The following L3MBTL4 variants were observed in gnomAD, a reference collection of about 807,000 sequenced individuals.
The protein encoded by L3MBTL4 is L3MBTL histone methyl-lysine binding protein 4, also known as lethal(3)malignant brain tumor-like protein 4.
Under a neutral mutation model 84.5 loss-of-function variants are expected in L3MBTL4, and 70 were observed. That is an observed-to-expected ratio of 0.83 (90% CI 0.68 to 1.01). The LOEUF is 1.01. Among genes scored for constraint, L3MBTL4 ranks in the 50% least tolerant of loss-of-function variants. The probability of loss-of-function intolerance (pLI) is 0.00; values close to 1 mark genes in which losing one functional copy is unlikely to be tolerated. For synonymous variants in L3MBTL4, 274 were observed against 259.8 expected (o/e 1.05, Z -0.52); for missense variants, 715 against 754.8 (o/e 0.95, Z 0.62).
intron 4 of L3MBTL4, among the ~76,000 whole-genome samples, chr18:6,277,274 A>C (rs974317544): frequency 8.5e-5 from 13 of 152,062 alleles, no homozygotes; most frequent in Non-Finnish European, 1.5e-4. Context: ...GTACCCTAAA[A>C]CTTAAAGTAT....
chr18:6,198,151 A>T (rs993316595), intron 12 of L3MBTL4, among the ~76,000 whole-genome samples: 11 of 152,314 alleles, frequency 7.2e-5, no homozygotes, highest in African/African-American at 2.4e-4. Context: ...TGTGGCCAAC[A>T]TATCTTCACA....
chr18:6,366,008 C>T (rs1476522566), intron 1 of L3MBTL4, among the ~76,000 whole-genome samples: 1 of 152,154 alleles, frequency 6.6e-6, no homozygotes, highest in Admixed American at 6.6e-5. Flanking sequence ...CTGTTAGGAG[C>T]ACAGATGGGA....
intron 16 of L3MBTL4, chr18:6,032,321 C>CA (rs1323391807): frequency 1.1e-4 from 103 of 980,666 alleles, no homozygotes; most frequent in East Asian, 1.2e-4. Context: ...AAGTTACGTG[C>CA]AAAAAAGCTT....
chr18:6,092,911 T>G (rs1480158480), intron 15 of L3MBTL4, among the ~76,000 whole-genome samples: 5 of 152,154 alleles, frequency 3.3e-5, no homozygotes, highest in African/African-American at 4.8e-5. Flanking sequence ...AGAAATTATA[T>G]CTGAGGTACA....
intron 1 of L3MBTL4, among the ~76,000 whole-genome samples, chr18:6,358,518 A>G (rs1325975989): frequency 2.6e-5 from 4 of 152,216 alleles, no homozygotes; most frequent in Non-Finnish European, 5.9e-5. Flanking sequence ...TTTAGAACAG[A>G]GCATTAAAGG....
chr18:6,152,970 G>C (rs181249951), intron 13 of L3MBTL4, among the ~76,000 whole-genome samples: 1 of 152,250 alleles, frequency 6.6e-6, no homozygotes, highest in Non-Finnish European at 1.5e-5. Context: ...AGTTTTCCCA[G>C]AACCACTTAT....
chr18:6,005,929 G>T (rs1049219874), intron 16 of L3MBTL4, among the ~76,000 whole-genome samples: 1 of 151,986 alleles, frequency 6.6e-6, no homozygotes, highest in Non-Finnish European at 1.5e-5. Context: ...TTTCCACAAT[G>T]GCTGAACTAA....
At chr18:6,318,436 A>G (rs1213528076) in intron 1 of L3MBTL4, among the ~76,000 whole-genome samples, 1 of 149,872 alleles carries the variant, frequency 6.7e-6, no homozygotes, top group African/African-American at 2.5e-5. Context: ...TGGAAACCAA[A>G]AGCTAGCAGG....
chr18:6,057,815 CA>C (rs1177596581), intron 16 of L3MBTL4, among the ~76,000 whole-genome samples: 1 of 152,160 alleles, frequency 6.6e-6, no homozygotes, highest in Non-Finnish European at 1.5e-5. Context: ...GTAACCATAG[CA>C]ACAAGACAAG....
At chr18:6,034,492 G>A (rs1285758337) in intron 16 of L3MBTL4, among the ~76,000 whole-genome samples, 1 of 152,102 alleles carries the variant, frequency 6.6e-6, no homozygotes, top group Non-Finnish European at 1.5e-5. Context: ...ATTTTTTATG[G>A]CTGCATAGTA....
At chr18:6,096,630 G>A (rs554048828) in intron 14 of L3MBTL4, among the ~76,000 whole-genome samples, 1 of 152,252 alleles carries the variant, frequency 6.6e-6, no homozygotes, top group South Asian at 2.1e-4. Flanking sequence ...GTGTGTTTAA[G>A]AGATGCATGA....
chr18:6,087,898 T>G (rs2143503251), intron 15 of L3MBTL4, among the ~76,000 whole-genome samples: 1 of 152,346 alleles, frequency 6.6e-6, no homozygotes, highest in African/African-American at 2.4e-5. Flanking sequence ...CTAAATCTTA[T>G]ATAAGCCTCA....
intron 4 of L3MBTL4, among the ~76,000 whole-genome samples, chr18:6,278,860 T>C (rs1397284989): frequency 6.6e-6 from 1 of 150,518 alleles, no homozygotes; most frequent in Non-Finnish European, 1.5e-5. Flanking sequence ...TTCTCGCTTT[T>C]ACTTAAAAAA....
At position 6,004,997 on chromosome 18, in the gene L3MBTL4, A is replaced by ATTTTTTTTTTTT. The variant is rs60294342; in HGVS notation, c.1445-35447_1445-35436dup. ...ACACATAAAAATGGTTAAGATGATAATTTTTTTTTTTTTTTTTTTTTTTTT... is the reference window on the plus strand; with the variant it reads ...ACACATAAAAATGGTTAAGATGATAATTTTTTTTTTTTTTTTTTTTTTTTTTTTTTTTTTTTT... On this transcript the variant is annotated intron_variant, in intron 16 of 18. Coordinates refer to ENST00000317931, the MANE Select transcript of L3MBTL4 (RefSeq NM_001330559.2). 1.7e-3 allele frequency among the ~76,000 whole-genome samples: 91 copies of ATTTTTTTTTTTT among 52,142 alleles called. 4 individuals carry two copies. Among genetic ancestry groups the ATTTTTTTTTTTT allele is most frequent in the Admixed American group, 3.8e-3 (11 of 2,862 alleles). 34.2% of individuals were successfully genotyped at this position (52,142 alleles called of 152,430 possible). A position where few individuals can be genotyped will look rare whatever the true frequency, so the allele number is the denominator to read the frequency against.
At chr18:6,322,530 A>G (rs1289699528) in intron 1 of L3MBTL4, among the ~76,000 whole-genome samples, 1 of 151,894 alleles carries the variant, frequency 6.6e-6, no homozygotes, top group Non-Finnish European at 1.5e-5. Context: ...ACAAACAAAC[A>G]GTATATCAAA....
chr18:5,994,689 G>A lies in L3MBTL4; in HGVS notation c.1445-25127C>T, dbSNP rs182894983. ...ACCAGACTGCCTCCAGCGACAGAGA[G>A]TTACCTCCAAGAGGTCACCTCCAGG... is the stretch of plus-strand genomic sequence containing the variant. On this transcript the variant is annotated intron_variant, in intron 16 of 18. Transcript: ENST00000317931. Among the ~76,000 whole-genome samples, 198 of 152,086 alleles carry A rather than the reference G, an allele frequency of 1.3e-3. 2 individuals are homozygous for A. The highest frequency in any genetic ancestry group is 2.9e-4 in the Non-Finnish European group (20 of 67,996).
At chr18:6,286,802 G>C (rs868133275) in intron 4 of L3MBTL4, among the ~76,000 whole-genome samples, 1 of 152,072 alleles carries the variant, frequency 6.6e-6, no homozygotes, top group Admixed American at 6.5e-5. Context: ...GTCTCTCTTA[G>C]GCTGAACTCC....
At chr18:6,067,232 C>T (rs571400078) in intron 16 of L3MBTL4, among the ~76,000 whole-genome samples, 1 of 152,268 alleles carries the variant, frequency 6.6e-6, no homozygotes, top group East Asian at 1.9e-4. Flanking sequence ...TCTTAAAACT[C>T]ATTCCTTCAT....
intron 4 of L3MBTL4, among the ~76,000 whole-genome samples, chr18:6,286,334 T>G (rs977966895): frequency 6.6e-6 from 1 of 151,576 alleles, no homozygotes; most frequent in Non-Finnish European, 1.5e-5. Context: ...CATGGTGGCA[T>G]GCACCTGTAA....
Sources: gnomAD v4.1 joint callset for allele counts (sites outside exome capture counted in the v4.1 genomes callset) on GRCh38, gnomAD v4.1.1 for gene constraint, MANE v1.5 for transcripts, NCBI Gene and HGNC (gene_info 2026-07-23, HGNC 2026-07-21) for gene names.